The following CACNA1I variants were observed in gnomAD, a reference collection of about 807,000 sequenced individuals.
CACNA1I encodes calcium voltage-gated channel subunit alpha1 I.
In CACNA1I, 74 loss-of-function variants were observed where a neutral mutation model predicts 201.6. The ratio of observed to expected loss-of-function variants is 0.37; its 90% confidence interval spans 0.30 to 0.45. The LOEUF is 0.45. CACNA1I is among the 20% of genes least tolerant of loss of function. CACNA1I has a pLI of 1.00. For missense variants in CACNA1I, 2,346 were observed against 3,138.1 expected, an observed-to-expected ratio of 0.75 and a Z score of 6.03; for synonymous variants, 1,431 against 1,345.2, an observed-to-expected ratio of 1.06 and a Z score of -1.40.
intron 5 of CACNA1I, among the ~76,000 whole-genome samples, chr22:39,638,791 A>G (rs1004561922): frequency 3.9e-5 from 6 of 152,180 alleles, no homozygotes; most frequent in African/African-American, 7.2e-5. Context: ...TAATTTTTCC[A>G]TGGACCAGAG....
chr22:39,666,132 C>G lies in CACNA1I; in HGVS notation c.4104+126C>G, dbSNP rs992415532. 8 of 1,234,590 alleles carry G rather than the reference C, an allele frequency of 6.5e-6. No individual in the cohort carries two copies. The highest frequency in any genetic ancestry group is 9.1e-6 in the Non-Finnish European group (8 of 881,210). The allele number at this position is 1,234,590 out of a possible 1,614,324, so 76.5% of individuals were successfully genotyped here. On this transcript the variant is annotated intron_variant, in intron 23 of 36. Coordinates refer to ENST00000402142, the MANE Select transcript of CACNA1I (RefSeq NM_021096.4). The surrounding 1 kb of genome is among the most constrained non-coding windows in gnomAD (Gnocchi z 4.1). ...ACACTGACTTCTCCTCTCCAAGCCT[C>G]AGTTTCCTCTTCTGCAAAATGGGTA...
intron 1 of CACNA1I, among the ~76,000 whole-genome samples, chr22:39,580,745 C>A (rs891466668): frequency 1.3e-5 from 2 of 152,052 alleles, no homozygotes; most frequent in African/African-American, 4.8e-5. Context: ...GGGACTTGGG[C>A]AAATTCACTT....
chr22:39,606,977 A>G (rs192636107), intron 3 of CACNA1I, among the ~76,000 whole-genome samples: 2 of 152,224 alleles, frequency 1.3e-5, no homozygotes, highest in African/African-American at 2.4e-5. Context: ...TGGTAATTCT[A>G]TCTCCTCCCC....
At position 39,619,298 on chromosome 22, in the gene CACNA1I, C is replaced by T; in HGVS notation, c.483-12C>T. ...CCAGCACCATCCCTCACTCTCTCTCCTTTCTCTGCAGGATGGTCGAGTACT... is the reference window on the plus strand; with the variant it reads ...CCAGCACCATCCCTCACTCTCTCTCTTTTCTCTGCAGGATGGTCGAGTACT... On this transcript the variant is annotated splice_polypyrimidine_tract_variant and intron_variant, in intron 3 of 36. Transcript: ENST00000402142. 1.2e-6 allele frequency: 2 copies of T among 1,602,242 alleles called. No homozygotes were observed. The highest frequency in any genetic ancestry group is 4.5e-5 in the East Asian group (2 of 44,848).
At chr22:39,617,692 G>C (rs1448288525) in intron 3 of CACNA1I, among the ~76,000 whole-genome samples, 1 of 152,098 alleles carries the variant, frequency 6.6e-6, no homozygotes, top group African/African-American at 2.4e-5. Context: ...GAATCCTCAT[G>C]CAGTCCCGCT....
chr22:39,601,904 TCC>T (rs1933055756), intron 3 of CACNA1I, among the ~76,000 whole-genome samples: 1 of 30,162 alleles, frequency 3.3e-5, no homozygotes, highest in Admixed American at 2.3e-4. Context: ...CCTCCCTCCC[TCC>T]CTCCCTCCCT....
chr22:39,631,679 C>T (rs1446355634), intron 4 of CACNA1I, among the ~76,000 whole-genome samples: 1 of 152,178 alleles, frequency 6.6e-6, no homozygotes, highest in East Asian at 1.9e-4. Flanking sequence ...CTCTTTCTGT[C>T]ACTCCTGGTT....
intron 1 of CACNA1I, among the ~76,000 whole-genome samples, chr22:39,585,366 TTTTCTTTCTTTC>T (rs199756533): frequency 4.3e-5 from 5 of 116,050 alleles, no homozygotes; most frequent in African/African-American, 1.5e-4. Context: ...CCCGGGCTTT[TTTTCTTTCTTTC>T]TTTCTTTCTT....
intron 34 of CACNA1I, among the ~76,000 whole-genome samples, chr22:39,681,419 G>A (rs1384770432): frequency 2.0e-5 from 3 of 152,282 alleles, no homozygotes; most frequent in Middle Eastern, 3.4e-3. Flanking sequence ...GTGCGGGGGC[G>A]GTCGCGTCAG....
chr22:39,686,410 C>T lies in CACNA1I; in HGVS notation c.*5C>T, dbSNP rs1935880294. The T allele has an allele frequency of 1.6e-6, 2 of 1,243,962 alleles. No individual in the cohort carries two copies. The highest frequency in any genetic ancestry group is 8.7e-5 in the Admixed American group (2 of 22,922). The allele number at this position is 1,243,962 out of a possible 1,614,324, so 77.1% of individuals were successfully genotyped here. On this transcript the variant is annotated 3_prime_UTR_variant, in exon 37 of 37. Coordinates refer to ENST00000402142, the MANE Select transcript of CACNA1I (RefSeq NM_021096.4). ...GCCAGCAAGAGGAAGAGATGAGGGT[C>T]GCAGGGGCCCCCGGCCGCCCACCGC...
intron 10 of CACNA1I, among the ~76,000 whole-genome samples, chr22:39,657,549 G>A (rs764786280): frequency 6.6e-6 from 1 of 152,234 alleles, no homozygotes; most frequent in Non-Finnish European, 1.5e-5. Context: ...CGGGGGTTAA[G>A]GGCAGGAGTC....
At chr22:39,633,049 A>T (rs930317556) in intron 4 of CACNA1I, among the ~76,000 whole-genome samples, 9 of 152,074 alleles carry the variant, frequency 5.9e-5, no homozygotes, top group Non-Finnish European at 1.3e-4. Context: ...CCAAATAATT[A>T]TCCTCATTAA....
At chr22:39,594,937 G>A (rs1404604329) in intron 1 of CACNA1I, among the ~76,000 whole-genome samples, 1 of 152,072 alleles carries the variant, frequency 6.6e-6, no homozygotes, top group Non-Finnish European at 1.5e-5. Flanking sequence ...CTGCATACCT[G>A]GATAAAGTTT....
Position 39,617,512 on chromosome 22 carries a change from C to T in CACNA1I, c.483-1798C>T, listed in dbSNP as rs193284667. 3.2e-4 allele frequency among the ~76,000 whole-genome samples: 48 copies of T among 152,042 alleles called. No homozygotes were observed. The East Asian group carries it at 8.8e-3, about 28-fold the overall frequency. ...GTGGGGAGGGCTGGCTGGAGCTGGG[C>T]CTGGCTGCCTGCGATGGGACTCGGC... is the stretch of plus-strand genomic sequence containing the variant. On this transcript the variant is annotated intron_variant, in intron 3 of 36. Transcript: ENST00000402142.
chr22:39,603,421 T>C lies in CACNA1I; in HGVS notation c.482+2768T>C, dbSNP rs574195246. On this transcript the variant is annotated intron_variant, in intron 3 of 36. Coordinates refer to ENST00000402142, the MANE Select transcript of CACNA1I (RefSeq NM_021096.4). The stretch of plus-strand genomic sequence containing the variant: ...CCTATTTACTGCCCCTATGGAATAA[T>C]TCATTTCCTCAGTGTCTTTTTAATT... Among the ~76,000 whole-genome samples the C allele has an allele frequency of 9.8e-5, 15 of 152,330 alleles. No individual in the cohort carries two copies. In the South Asian group the frequency reaches 2.9e-3, roughly 29 times the overall value.
rs1702799335 is a variant in CACNA1I at position 39,665,406 on chromosome 22, G to A, written c.3852-92G>A. On this transcript the variant is annotated intron_variant, in intron 21 of 36. Transcript: ENST00000402142. This position sits in a 1 kb window ranked among gnomAD's most constrained non-coding sequence, Gnocchi z 5.5. ...GTGAGCCCTGGGGACTCATGCCCTGGGATACTCAGCCCTGGTGACTCTGGG... is the reference window on the plus strand; with the variant it reads ...GTGAGCCCTGGGGACTCATGCCCTGAGATACTCAGCCCTGGTGACTCTGGG... 2.0e-6 allele frequency: 3 copies of A among 1,484,822 alleles called. No individual in the cohort carries two copies. The highest frequency in any genetic ancestry group is 2.8e-5 in the African/African-American group (2 of 72,382). 92.0% of individuals were successfully genotyped at this position (1,484,822 alleles called of 1,614,324 possible).
chr22:39,658,372 A>G, intron 11 of CACNA1I, 69 bp downstream of exon 11: 1 of 1,452,578 alleles, frequency 6.9e-7, no homozygotes, highest in Non-Finnish European at 9.5e-7. Flanking sequence ...GACCCCAGCC[A>G]GCATATAAAG....
rs2146443892 is a variant in CACNA1I, at chr22:39,658,238, A to G, written c.2079A>G (p.Ala693=). 1 of 1,613,968 alleles carries G rather than the reference A, an allele frequency of 6.2e-7. No homozygotes were observed. The highest frequency in any genetic ancestry group is 8.5e-7 in the Non-Finnish European group (1 of 1,179,862). ...TGGAGATGATCCTGAAGCTGGCTGC[A>G]TTTGGGCTCTTCGACTACCTGCGTA... ...FALEMILKLA[A]FGLFDYLRNP... Residue 693 remains alanine, a synonymous_variant, in exon 11 of 37, where the codon GCA becomes GCG. Transcript: ENST00000402142.
chr22:39,640,448 CAT>C lies in CACNA1I; in HGVS notation c.741-418_741-417del, dbSNP rs1170228678. ...GAAGTGATCAGCCCAGGATCACTTA[CAT>C]GGAAGTGGGTGGAGCAGATGGAGGA... On this transcript the variant is annotated intron_variant, in intron 5 of 36. Coordinates refer to ENST00000402142, the MANE Select transcript of CACNA1I (RefSeq NM_021096.4). Among the ~76,000 whole-genome samples, 4 of 152,182 alleles carry C rather than the reference CAT, an allele frequency of 2.6e-5. No homozygotes were observed. The East Asian group carries it at 5.8e-4, about 22-fold the overall frequency.
Sources: gnomAD v4.1 joint callset for allele counts (sites outside exome capture counted in the v4.1 genomes callset) on GRCh38, gnomAD v4.1.1 for gene constraint, Gnocchi (gnomAD v3.1) non-coding constraint, MANE v1.5 for transcripts, NCBI Gene and HGNC (gene_info 2026-07-23, HGNC 2026-07-21) for gene names.